Variants in CPEB4 observed in about 807,000 individuals in gnomAD.
CPEB4 encodes cytoplasmic polyadenylation element-binding protein 4.
In CPEB4, 12 loss-of-function variants were observed where a neutral mutation model predicts 72.5. That is an observed-to-expected ratio of 0.17 (90% CI 0.11 to 0.27). CPEB4 has a LOEUF of 0.27. Ranked by LOEUF, CPEB4 falls within the 10% of genes least tolerant of loss-of-function variation. The probability of loss-of-function intolerance (pLI) is 1.00; values close to 1 mark genes in which losing one functional copy is unlikely to be tolerated. For synonymous variants in CPEB4, 302 were observed against 326.3 expected (o/e 0.93, Z 0.80); for missense variants, 614 against 908.5 (o/e 0.68, Z 4.17).
At position 173,889,062 on chromosome 5, in the gene CPEB4, C is replaced by G. The variant is rs1755710784; in HGVS notation, c.-672C>G. Reference sequence around the variant, plus strand: ...AAAGAGCAGAAAACAGGACCAGGAACAGCAGAAACCTCCCTGCAATCATCT... The same window carrying G: ...AAAGAGCAGAAAACAGGACCAGGAAGAGCAGAAACCTCCCTGCAATCATCT... On this transcript the variant is annotated 5_prime_UTR_variant, in exon 1 of 10. Coordinates refer to ENST00000265085, the MANE Select transcript of CPEB4 (RefSeq NM_030627.4). 1 of 152,468 alleles carries G rather than the reference C, an allele frequency of 6.6e-6. No homozygotes were observed. Among genetic ancestry groups the G allele is most frequent in the Non-Finnish European group, 1.5e-5 (1 of 68,128 alleles). 9.4% of individuals were successfully genotyped at this position (152,468 alleles called of 1,614,324 possible). A position where few individuals can be genotyped will look rare whatever the true frequency, so the allele number is the denominator to read the frequency against.
Position 173,900,774 on chromosome 5 carries a change from G to A in CPEB4, c.1126-9749G>A, listed in dbSNP as rs1238230422. ...CTTTTTTTCATTGCACCATAGAAGG[G>A]GCAGAGAAATGTTTATTGAATGAGT... On this transcript the variant is annotated intron_variant, in intron 1 of 9. Transcript: ENST00000265085. The surrounding 1 kb of genome is among the most constrained non-coding windows in gnomAD (Gnocchi z 4.4). Among the ~76,000 whole-genome samples, 1 of 151,966 alleles carries A rather than the reference G, an allele frequency of 6.6e-6. No homozygotes were observed. Among genetic ancestry groups the A allele is most frequent in the Non-Finnish European group, 1.5e-5 (1 of 67,980 alleles).
At chr5:173,935,939 C>A (rs752752087) in intron 3 of CPEB4, among the ~76,000 whole-genome samples, 1 of 152,164 alleles carries the variant, frequency 6.6e-6, no homozygotes, top group African/African-American at 2.4e-5. Context: ...CAATGACCTT[C>A]GTATACCACT....
chr5:173,941,728 A>G (rs1015655249), intron 3 of CPEB4, among the ~76,000 whole-genome samples: 2 of 152,094 alleles, frequency 1.3e-5, no homozygotes, highest in South Asian at 4.1e-4. Context: ...AAATACAAAA[A>G]TTAGCTGGTC....
In CPEB4 at chr5:173,961,443, T is replaced by G. The variant is rs1475772969; in HGVS notation, c.*5306T>G. 1.3e-5 allele frequency: 2 copies of G among 152,260 alleles called. No individual in the cohort carries two copies. The highest frequency in any genetic ancestry group is 4.8e-5 in the African/African-American group (2 of 41,476). 9.4% of individuals were successfully genotyped at this position (152,260 alleles called of 1,614,324 possible). On this transcript the variant is annotated 3_prime_UTR_variant, in exon 10 of 10. Coordinates refer to ENST00000265085, the MANE Select transcript of CPEB4 (RefSeq NM_030627.4). ...CAACTCTATCTTGAAATTACATAGG[T>G]GCATTGCTTTGGGTGTTTTAAATCA...
chr5:173,956,211 C>A lies in CPEB4; in HGVS notation c.*74C>A. The stretch of plus-strand genomic sequence containing the variant: ...CTGTTCATTCTGACCCCTTCCTCAA[C>A]CTCTTCACGCTGGCATGTCCTTTTG... On this transcript the variant is annotated 3_prime_UTR_variant, in exon 10 of 10. Transcript: ENST00000265085. 8.8e-7 allele frequency: 1 copy of A among 1,136,160 alleles called. No homozygotes were observed. The highest frequency in any genetic ancestry group is 1.3e-6 in the Non-Finnish European group (1 of 756,356). 70.4% of individuals were successfully genotyped at this position (1,136,160 alleles called of 1,614,324 possible).
At chr5:173,943,453 A>C (rs1757916180) in intron 4 of CPEB4, among the ~76,000 whole-genome samples, 1 of 152,152 alleles carries the variant, frequency 6.6e-6, no homozygotes, top group African/African-American at 2.4e-5. Flanking sequence ...CCTTATGTCA[A>C]CTTTTTTCTT....
intron 2 of CPEB4, among the ~76,000 whole-genome samples, chr5:173,912,977 A>C (rs1756720461): frequency 6.6e-6 from 1 of 151,560 alleles, no homozygotes; most frequent in South Asian, 2.1e-4. Flanking sequence ...GTATATTCTT[A>C]ATGTGTTTAA....
At chr5:173,919,614 G>T (rs1319381503) in intron 2 of CPEB4, among the ~76,000 whole-genome samples, 1 of 152,148 alleles carries the variant, frequency 6.6e-6, no homozygotes, top group Non-Finnish European at 1.5e-5. Flanking sequence ...AAAGCCCTTT[G>T]TTGTCTATGA....
chr5:173,938,668 G>A (rs1757717504), intron 3 of CPEB4, among the ~76,000 whole-genome samples: 1 of 152,094 alleles, frequency 6.6e-6, no homozygotes, highest in African/African-American at 2.4e-5. Flanking sequence ...AGCGTAACCC[G>A]AATAGGATCC....
intron 7 of CPEB4, among the ~76,000 whole-genome samples, chr5:173,951,009 C>T (rs1045721116): frequency 6.6e-6 from 1 of 152,220 alleles, no homozygotes; most frequent in African/African-American, 2.4e-5. Flanking sequence ...CCAGCTTAAG[C>T]AAATAACATC....
chr5:173,909,890 C>T (rs1756580427), intron 1 of CPEB4, among the ~76,000 whole-genome samples: 1 of 151,678 alleles, frequency 6.6e-6, no homozygotes, highest in Admixed American at 6.6e-5. Flanking sequence ...ATCCCAGCTA[C>T]TCTGGAGGCT....
intron 1 of CPEB4, among the ~76,000 whole-genome samples, chr5:173,903,924 C>T (rs1212848935): frequency 1.3e-5 from 2 of 152,150 alleles, no homozygotes; most frequent in Non-Finnish European, 2.9e-5. Context: ...ATAGTGGTAT[C>T]ATAAGGTCTT....
At chr5:173,890,952 TCAGAG>T in intron 1 of CPEB4, 94 bp downstream of exon 1, 1 of 1,171,034 alleles carries the variant, frequency 8.5e-7, no homozygotes, top group South Asian at 1.7e-5. Flanking sequence ...CGTATTCACA[TCAGAG>T]CTTTTCTTAG....
rs541100030 is a variant in CPEB4 at position 173,892,638 on chromosome 5, G to C, written c.1125+1780G>C. 4.6e-5 allele frequency among the ~76,000 whole-genome samples: 7 copies of C among 152,132 alleles called. No individual in the cohort carries two copies. In the East Asian group the frequency reaches 1.3e-3, roughly 29 times the overall value. On this transcript the variant is annotated intron_variant, in intron 1 of 9. Coordinates refer to ENST00000265085, the MANE Select transcript of CPEB4 (RefSeq NM_030627.4). ...GTGAATTTATGTGGCCTCACAGTTT[G>C]GTTCCCATTCTCAGCTTACTGACTT...
At chr5:173,912,896 C>G (rs1343455700) in intron 2 of CPEB4, among the ~76,000 whole-genome samples, 1 of 146,562 alleles carries the variant, frequency 6.8e-6, no homozygotes, top group African/African-American at 2.5e-5. Context: ...GAGCTGTGTT[C>G]CTGCTCTTTA....
At chr5:173,934,886 G>A (rs1757568396) in intron 3 of CPEB4, among the ~76,000 whole-genome samples, 1 of 152,186 alleles carries the variant, frequency 6.6e-6, no homozygotes, top group South Asian at 2.1e-4. Context: ...ATATCTTCTA[G>A]AGTGGATCAC....
chr5:173,958,760 A>G lies in CPEB4; in HGVS notation c.*2623A>G, dbSNP rs1758455354. On this transcript the variant is annotated 3_prime_UTR_variant, in exon 10 of 10. Transcript: ENST00000265085. Reference sequence around the variant, plus strand: ...ACAAAATTGTCTACAGCTTCTTACTAAGTTTTTAAAATTATTCATAAAATG... The same window carrying G: ...ACAAAATTGTCTACAGCTTCTTACTGAGTTTTTAAAATTATTCATAAAATG... 1 of 152,630 alleles carries G rather than the reference A, an allele frequency of 6.6e-6. No individual in the cohort carries two copies. Among genetic ancestry groups the G allele is most frequent in the Non-Finnish European group, 1.5e-5 (1 of 68,024 alleles). The allele number at this position is 152,630 out of a possible 1,614,324, so 9.5% of individuals were successfully genotyped here. A position where few individuals can be genotyped will look rare whatever the true frequency, so the allele number is the denominator to read the frequency against.
At chr5:173,896,210 A>G (rs1756004860) in intron 1 of CPEB4, among the ~76,000 whole-genome samples, 1 of 152,204 alleles carries the variant, frequency 6.6e-6, no homozygotes. Flanking sequence ...ACATAAGATA[A>G]TGTGAATAAT....
intron 2 of CPEB4, among the ~76,000 whole-genome samples, chr5:173,929,441 G>A (rs767053540): frequency 2.0e-5 from 3 of 152,178 alleles, no homozygotes; most frequent in East Asian, 1.9e-4. Flanking sequence ...GCTCATTCCT[G>A]TAAACCCGGC....
Sources: allele counts gnomAD v4.1 joint callset (sites outside exome capture counted in the v4.1 genomes callset), GRCh38; gene constraint gnomAD v4.1.1; non-coding constraint Gnocchi (gnomAD v3.1); transcripts MANE v1.5; gene names NCBI Gene and HGNC (gene_info 2026-07-23, HGNC 2026-07-21).